The following PYGL variants were observed in gnomAD, a reference collection of about 807,000 sequenced individuals.
The protein encoded by PYGL is glycogen phosphorylase L.
A neutral mutation model predicts 100.1 loss-of-function variants in PYGL; 90 were observed. That is an observed-to-expected ratio of 0.90 (90% CI 0.76 to 1.07). The LOEUF is 1.07. Among genes scored for constraint, PYGL ranks in the 50% least tolerant of loss-of-function variants. PYGL has a pLI of 0.00. For missense variants in PYGL, 1,016 were observed against 1,057.6 expected, an observed-to-expected ratio of 0.96 and a Z score of 0.55; for synonymous variants, 373 against 393.0, an observed-to-expected ratio of 0.95 and a Z score of 0.60.
rs555765958 is a variant in PYGL at position 50,939,042 on chromosome 14, T to G, written c.244-1205A>C. ...TTAATTAATTAATTAATTTATTTAT[T>G]TATTGATGGATTGATTGAGACACAG... On this transcript the variant is annotated intron_variant, in intron 1 of 19. Transcript: ENST00000216392. 3.9e-5 allele frequency among the ~76,000 whole-genome samples: 6 copies of G among 152,220 alleles called. No individual in the cohort carries two copies. In the South Asian group the frequency reaches 1.2e-3, roughly 32 times the overall value.
At chr14:50,924,705 ATAGAT>A (rs1290313706) in intron 4 of PYGL, among the ~76,000 whole-genome samples, 4 of 152,244 alleles carry the variant, frequency 2.6e-5, no homozygotes, top group African/African-American at 9.6e-5. Context: ...ATAATGAACT[ATAGAT>A]TATAGTTTAT....
chr14:50,913,540 T>G (rs1566502190), intron 12 of PYGL, among the ~76,000 whole-genome samples: 1 of 151,010 alleles, frequency 6.6e-6, no homozygotes, highest in African/African-American at 2.4e-5. Context: ...CCTGGCTAAT[T>G]TTTTTTTGTA....
chr14:50,932,740 T>C (rs1278084691), intron 3 of PYGL, among the ~76,000 whole-genome samples: 1 of 152,222 alleles, frequency 6.6e-6, no homozygotes. Flanking sequence ...ACTAAGGTGT[T>C]ACACTAATCA....
chr14:50,942,295 T>C (rs2050708347), intron 1 of PYGL, among the ~76,000 whole-genome samples: 1 of 120,992 alleles, frequency 8.3e-6, no homozygotes, highest in Non-Finnish European at 1.9e-5. Flanking sequence ...GAGAGCCCAG[T>C]GAAGAAACTG....
chr14:50,941,484 A>G (rs1225726348), intron 1 of PYGL, among the ~76,000 whole-genome samples: 1 of 152,198 alleles, frequency 6.6e-6, no homozygotes, highest in African/African-American at 2.4e-5. Context: ...CACGTCATTC[A>G]AGGGAACCTA....
Position 50,916,648 on chromosome 14 carries a change from C to G in PYGL, c.1086G>C (p.Trp362Cys), listed in dbSNP as rs2050453072. 6.2e-7 allele frequency: 1 copy of G among 1,611,936 alleles called. No individual in the cohort carries two copies. The highest frequency in any genetic ancestry group is 8.5e-7 in the Non-Finnish European group (1 of 1,178,032). The change falls in exon 9 of 20, where the codon TGG becomes TGC. Residue 362 changes from tryptophan to cysteine, a missense_variant. Trp to Cys is a radical substitution (Grantham distance 215). Coordinates refer to ENST00000216392, the MANE Select transcript of PYGL (RefSeq NM_002863.5). ...GAAGCCAAACTATCCAGACCTTGGA[C>G]CAGGGCAGTTTTTCAATATCCACAA... Reference protein sequence around the residue: ...RIFVDIEKLPWSKAWELTQKT... With the variant: ...RIFVDIEKLPCSKAWELTQKT...
chr14:50,930,614 C>T (rs2050593511), intron 4 of PYGL, among the ~76,000 whole-genome samples: 1 of 152,008 alleles, frequency 6.6e-6, no homozygotes, highest in Non-Finnish European at 1.5e-5. Context: ...TTTTGGTTCA[C>T]AAAGAATCCA....
chr14:50,912,100 G>C, intron 14 of PYGL, 56 bp downstream of exon 14: 2 of 1,613,624 alleles, frequency 1.2e-6, no homozygotes, highest in South Asian at 2.2e-5. Context: ...TGAGACCTAT[G>C]CTGAGTCTGC....
intron 19 of PYGL, 171 bp downstream of exon 19, chr14:50,908,100 G>T: frequency 1.8e-6 from 1 of 547,938 alleles, no homozygotes; most frequent in Non-Finnish European, 3.2e-6. Flanking sequence ...GAAAAGACAA[G>T]GTTTTTTTTT....
intron 3 of PYGL, among the ~76,000 whole-genome samples, chr14:50,933,759 C>T (rs2050625503): frequency 6.6e-6 from 1 of 151,750 alleles, no homozygotes; most frequent in South Asian, 2.1e-4. Flanking sequence ...TACACACACA[C>T]ATATATACAC....
At chr14:50,936,455 G>A (rs1344472657) in intron 2 of PYGL, among the ~76,000 whole-genome samples, 1 of 152,104 alleles carries the variant, frequency 6.6e-6, no homozygotes, top group Admixed American at 6.5e-5. Context: ...CTAGGTTCCT[G>A]GTGTAAGCCA....
chr14:50,927,301 T>G (rs1384478320), intron 4 of PYGL, among the ~76,000 whole-genome samples: 1 of 152,224 alleles, frequency 6.6e-6, no homozygotes, highest in Non-Finnish European at 1.5e-5. Context: ...CTTGGCTCAC[T>G]GCAACATATG....
chr14:50,912,909 G>C (rs1419685565), intron 13 of PYGL, 120 bp downstream of exon 13: 2 of 860,176 alleles, frequency 2.3e-6, no homozygotes, highest in African/African-American at 1.7e-5. Context: ...AGCCGAGATC[G>C]TGCCACTGCA....
Position 50,912,155 on chromosome 14 carries a change from C to T in PYGL, c.1768+1G>A, listed in dbSNP as rs113993982. ...GCTTGTTGGCTACAGGGCTGACTCA[C>T]GGTTGTACATCGTGATCACATGCAG... On this transcript the variant is annotated splice_donor_variant, in intron 14 of 19. Transcript: ENST00000216392. LOFTEE classifies it high-confidence loss of function. The T allele has an allele frequency of 1.7e-5, 27 of 1,614,204 alleles. No individual in the cohort carries two copies. The highest frequency in any genetic ancestry group is 3.3e-4 in the Middle Eastern group (2 of 6,062).
chr14:50,927,369 T>G (rs1381198652), intron 4 of PYGL, among the ~76,000 whole-genome samples: 1 of 152,060 alleles, frequency 6.6e-6, no homozygotes, highest in Non-Finnish European at 1.5e-5. Context: ...GGATTACAGG[T>G]GCCCGCCACC....
At chr14:50,934,146 T>G (rs1168792720) in intron 3 of PYGL, among the ~76,000 whole-genome samples, 4 of 152,230 alleles carry the variant, frequency 2.6e-5, no homozygotes, top group African/African-American at 9.6e-5. Flanking sequence ...AGTGCTTTCC[T>G]ATATATTTGA....
chr14:50,920,944 T>C lies in PYGL; in HGVS notation c.772+12A>G. 6.3e-7 allele frequency: 1 copy of C among 1,599,576 alleles called. No homozygotes were observed. Among genetic ancestry groups the C allele is most frequent in the Non-Finnish European group, 8.6e-7 (1 of 1,166,758 alleles). On this transcript the variant is annotated intron_variant, in intron 6 of 19. Transcript: ENST00000216392. Reference sequence around the variant, plus strand: ...ACACGCATAAAGAAACCAAGGCCTGTGCTGTACTCACAGTCTCTGAGGTTA... The same window carrying C: ...ACACGCATAAAGAAACCAAGGCCTGCGCTGTACTCACAGTCTCTGAGGTTA...
chr14:50,924,310 T>G (rs895072626), intron 4 of PYGL, among the ~76,000 whole-genome samples: 3 of 152,190 alleles, frequency 2.0e-5, no homozygotes, highest in African/African-American at 7.2e-5. Flanking sequence ...CATTTAATCC[T>G]CTTTTAAAGA....
Position 50,913,114 on chromosome 14 carries a change from T to G in PYGL, c.1535A>C (p.Tyr512Ser). Residue 512 changes from tyrosine to serine, a missense_variant, in exon 13 of 20, where the codon TAT (tyrosine) becomes TCT (serine). Physicochemically the swap from Tyr to Ser is moderately radical, Grantham distance 144 (BLOSUM62 -2). Transcript: ENST00000216392. ...ELIAEKIGED[Y>S]VKDLSQLTKL... ...CGTCAGCTGGCTCAGGTCTTTCACA[T>G]AGTCTTCTCCAATTTTCTTTCAATT... 6.2e-7 allele frequency: 1 copy of G among 1,613,756 alleles called. No individual in the cohort carries two copies.
Sources: gnomAD v4.1 joint callset for allele counts (sites outside exome capture counted in the v4.1 genomes callset) on GRCh38, gnomAD v4.1.1 for gene constraint, MANE v1.5 for transcripts, NCBI Gene and HGNC (gene_info 2026-07-23, HGNC 2026-07-21) for gene names.